Variants in PRKACB observed in about 807,000 individuals in gnomAD.
PRKACB encodes cAMP-dependent protein kinase catalytic subunit beta.
A neutral mutation model predicts 51.4 loss-of-function variants in PRKACB; 16 were observed. The observed-to-expected ratio is 0.31, with a 90% CI of 0.21 to 0.47. The LOEUF is 0.47. Ranked by LOEUF, PRKACB falls within the 20% of genes least tolerant of loss-of-function variation. The pLI is 1.00. For missense variants in PRKACB, 309 were observed against 464.5 expected, an observed-to-expected ratio of 0.67 and a Z score of 3.08; for synonymous variants, 147 against 154.4, an observed-to-expected ratio of 0.95 and a Z score of 0.35.
chr1:84,225,983 A>C (rs558627618), intron 9 of PRKACB, among the ~76,000 whole-genome samples: 21 of 152,184 alleles, frequency 1.4e-4, no homozygotes, highest in Admixed American at 8.5e-4. Flanking sequence ...TGTGGAGGAG[A>C]GTTCTGAGTC....
At chr1:84,150,003 G>A (rs562701618) in intron 1 of PRKACB, among the ~76,000 whole-genome samples, 10 of 152,160 alleles carry the variant, frequency 6.6e-5, no homozygotes, top group South Asian at 4.2e-4. Flanking sequence ...GGTGGCTCAC[G>A]CCTGTAATCC....
At chr1:84,142,064 C>T (rs1487469941), upstream of PRKACB, among the ~76,000 whole-genome samples, 3 of 152,074 alleles carry the variant, frequency 2.0e-5, no homozygotes, top group Non-Finnish European at 2.9e-5. Flanking sequence ...AAATAAAATT[C>T]AAACATTTTC....
At chr1:84,199,318 A>G (rs761066888) in intron 7 of PRKACB, among the ~76,000 whole-genome samples, 2 of 151,808 alleles carry the variant, frequency 1.3e-5, no homozygotes, top group Non-Finnish European at 2.9e-5. Flanking sequence ...TCCACCCTCA[A>G]GTAGAATCCA....
chr1:84,183,969 A>AT (rs530814509), intron 3 of PRKACB, 68 bp from the exon 4 acceptor site: 1 of 1,407,646 alleles, frequency 7.1e-7, no homozygotes, highest in Non-Finnish European at 9.4e-7. Flanking sequence ...TATGGAAAAC[A>AT]TTTTTTTAAA....
At chr1:84,222,855 T>C (rs1673949288) in intron 9 of PRKACB, among the ~76,000 whole-genome samples, 1 of 152,192 alleles carries the variant, frequency 6.6e-6, no homozygotes, top group African/African-American at 2.4e-5. Flanking sequence ...TCTCCTGGCC[T>C]GCAGGGTCTC....
At chr1:84,186,446 T>A (rs1298380396) in intron 5 of PRKACB, among the ~76,000 whole-genome samples, 4 of 152,036 alleles carry the variant, frequency 2.6e-5, no homozygotes, top group African/African-American at 4.8e-5. Flanking sequence ...CTCGAACTCC[T>A]GATCTCAAGT....
intron 9 of PRKACB, among the ~76,000 whole-genome samples, chr1:84,232,174 A>G (rs1226893694): frequency 6.6e-6 from 1 of 151,812 alleles, no homozygotes; most frequent in Non-Finnish European, 1.5e-5. Context: ...TCATTTCGTT[A>G]TGTACCCAGT....
intron 1 of PRKACB, among the ~76,000 whole-genome samples, chr1:84,095,040 C>T (rs1648815316): frequency 6.6e-6 from 1 of 151,880 alleles, no homozygotes. Flanking sequence ...ATAGGCTATC[C>T]ATATAGCTTA....
intron 1 of PRKACB, among the ~76,000 whole-genome samples, chr1:84,117,632 G>C (rs1180178413): frequency 6.6e-6 from 1 of 152,008 alleles, no homozygotes; most frequent in Non-Finnish European, 1.5e-5. Context: ...GTATTTTTGT[G>C]ATATCAGTTG....
At position 84,195,650 on chromosome 1, in the gene PRKACB, C is replaced by T. The variant is rs752326972; in HGVS notation, c.561-966C>T. Among the ~76,000 whole-genome samples the T allele has an allele frequency of 3.2e-4, 49 of 152,202 alleles. 1 individual carries two copies. The highest frequency in any genetic ancestry group is 4.7e-4 in the Non-Finnish European group (32 of 67,998). On this transcript the variant is annotated intron_variant, in intron 5 of 9. Coordinates refer to ENST00000370685, the MANE Select transcript of PRKACB (RefSeq NM_182948.4). ...AGAACTAGCTGGGTGCGGTGGCTGACTCCTGTAATCCCAGCACTTTGGGAG... is the reference window on the plus strand; with the variant it reads ...AGAACTAGCTGGGTGCGGTGGCTGATTCCTGTAATCCCAGCACTTTGGGAG...
chr1:84,117,120 CA>C (rs1309906221), intron 1 of PRKACB, among the ~76,000 whole-genome samples: 3 of 151,784 alleles, frequency 2.0e-5, no homozygotes, highest in African/African-American at 7.3e-5. Context: ...TATTGATTTG[CA>C]TATGTTGAAC....
At chr1:84,113,238 A>AT (rs1399068199) in intron 1 of PRKACB, among the ~76,000 whole-genome samples, 1 of 152,194 alleles carries the variant, frequency 6.6e-6, no homozygotes, top group Non-Finnish European at 1.5e-5. Flanking sequence ...TGGGATAGCC[A>AT]TTCCTGAGAC....
rs554129288 is a variant in PRKACB, at chr1:84,208,603, G to A, written c.907-5550G>A. On this transcript the variant is annotated intron_variant, in intron 8 of 9. Transcript: ENST00000370685. ...TTTTCTAGCACAGACTGTCCTTGGC[G>A]CATCTGTAAAAATAATGATAGATAT... 7.2e-5 allele frequency among the ~76,000 whole-genome samples: 11 copies of A among 152,190 alleles called. No homozygotes were observed. The South Asian group carries it at 1.0e-3, about 14-fold the overall frequency.
Position 84,214,212 on chromosome 1 carries a change from G to A in PRKACB, c.966G>A (p.Gln322=), listed in dbSNP as rs1290888305. 2 of 1,613,370 alleles carry A rather than the reference G, an allele frequency of 1.2e-6. No individual in the cohort carries two copies. Among genetic ancestry groups the A allele is most frequent in the Non-Finnish European group, 8.5e-7 (1 of 1,179,766 alleles). The part of the protein sequence containing the change: ...DLKDLLRNLL[Q]VDLTKRFGNL... Reference sequence around the variant, plus strand: ...AGGACCTTCTACGGAACCTGCTGCAGGTGGATTTGACCAAGAGATTTGGAA... The same window carrying A: ...AGGACCTTCTACGGAACCTGCTGCAAGTGGATTTGACCAAGAGATTTGGAA... The change falls in exon 9 of 10, where the codon CAG becomes CAA. Residue 322 remains glutamine (Q), a synonymous_variant. Coordinates refer to ENST00000370685, the MANE Select transcript of PRKACB (RefSeq NM_182948.4).
chr1:84,140,081 TAGA>T (rs902780368), upstream of PRKACB, among the ~76,000 whole-genome samples: 5 of 151,350 alleles, frequency 3.3e-5, no homozygotes, highest in African/African-American at 1.2e-4. Context: ...GAAAAAAAAA[TAGA>T]AGATTTACAC....
At chr1:84,195,751 G>C (rs1558220541) in intron 5 of PRKACB, among the ~76,000 whole-genome samples, 1 of 151,540 alleles carries the variant, frequency 6.6e-6, no homozygotes, top group South Asian at 2.1e-4. Context: ...CGTCTCTACT[G>C]AAAATACAAA....
chr1:84,146,287 C>T (rs1381945363), intron 1 of PRKACB, among the ~76,000 whole-genome samples: 1 of 151,798 alleles, frequency 6.6e-6, no homozygotes, highest in Non-Finnish European at 1.5e-5. Context: ...TTAAGCATTC[C>T]TCTACTTGAC....
intron 1 of PRKACB, among the ~76,000 whole-genome samples, chr1:84,128,423 G>A (rs1371476592): frequency 6.6e-6 from 1 of 152,044 alleles, no homozygotes; most frequent in Non-Finnish European, 1.5e-5. Context: ...TGATTGTTAT[G>A]GCATACCCAC....
At chr1:84,099,826 T>C (rs1197132042) in intron 1 of PRKACB, among the ~76,000 whole-genome samples, 1 of 152,204 alleles carries the variant, frequency 6.6e-6, no homozygotes, top group African/African-American at 2.4e-5. Flanking sequence ...TTACTCTTGG[T>C]ACCGAGAAGA....
Sources: allele counts gnomAD v4.1 joint callset (sites outside exome capture counted in the v4.1 genomes callset), GRCh38; gene constraint gnomAD v4.1.1; transcripts MANE v1.5; gene names NCBI Gene and HGNC (gene_info 2026-07-23, HGNC 2026-07-21).